Variants in FTO observed in about 807,000 individuals in gnomAD.
FTO encodes the protein alpha-ketoglutarate-dependent dioxygenase FTO.
Under a neutral mutation model 63.9 loss-of-function variants are expected in FTO, and 47 were observed. The observed-to-expected ratio is 0.74, with a 90% CI of 0.58 to 0.94. FTO has a LOEUF of 0.94. FTO is among the 40% of genes least tolerant of loss of function. FTO has a pLI of 0.00. For missense variants in FTO, 562 were observed against 618.1 expected, an observed-to-expected ratio of 0.91 and a Z score of 0.96; for synonymous variants, 207 against 224.4, an observed-to-expected ratio of 0.92 and a Z score of 0.69.
At chr16:53,985,155 A>G (rs1477045655) in intron 8 of FTO, among the ~76,000 whole-genome samples, 1 of 152,212 alleles carries the variant, frequency 6.6e-6, no homozygotes, top group Non-Finnish European at 1.5e-5. Flanking sequence ...TTTATGACCC[A>G]TTTATAAAAT....
chr16:53,992,585 C>A (rs1358923285), intron 8 of FTO: 1 of 152,066 alleles, frequency 6.6e-6, no homozygotes, highest in Non-Finnish European at 1.5e-5. Flanking sequence ...TGTGTGATTG[C>A]GTCCTGCCTA....
chr16:53,883,320 A>G (rs1444723076), intron 6 of FTO, among the ~76,000 whole-genome samples: 4 of 152,162 alleles, frequency 2.6e-5, no homozygotes, highest in African/African-American at 7.2e-5. Flanking sequence ...GAATATCGTC[A>G]TCTAAGTCTG....
At chr16:53,884,744 G>A (rs75547642) in intron 6 of FTO, among the ~76,000 whole-genome samples, 3 of 152,220 alleles carry the variant, frequency 2.0e-5, no homozygotes, top group Non-Finnish European at 2.9e-5. Context: ...AATGACTGAA[G>A]TCCAGATATG....
chr16:53,841,611 T>C (rs1598800074), intron 3 of FTO, among the ~76,000 whole-genome samples: 1 of 152,208 alleles, frequency 6.6e-6, no homozygotes, highest in African/African-American at 2.4e-5. Context: ...TTAATGTGAA[T>C]GAATAGTTAC....
chr16:53,914,197 G>A (rs764933578), intron 7 of FTO, among the ~76,000 whole-genome samples: 1 of 151,390 alleles, frequency 6.6e-6, no homozygotes, highest in Non-Finnish European at 1.5e-5. Context: ...TAGCATTTCT[G>A]TTTCTTTTAA....
intron 8 of FTO, among the ~76,000 whole-genome samples, chr16:54,067,519 G>C (rs1347160919): frequency 2.6e-5 from 4 of 152,232 alleles, no homozygotes; most frequent in Non-Finnish European, 4.4e-5. Flanking sequence ...GCCACCAGCT[G>C]TCTGACAGTG....
chr16:53,817,965 G>T (rs764030833), intron 2 of FTO, among the ~76,000 whole-genome samples: 14 of 152,206 alleles, frequency 9.2e-5, no homozygotes, highest in Non-Finnish European at 1.6e-4. Flanking sequence ...TTTCATGACT[G>T]CATACTCATT....
At chr16:53,986,225 G>A (rs1439454515) in intron 8 of FTO, among the ~76,000 whole-genome samples, 1 of 152,166 alleles carries the variant, frequency 6.6e-6, no homozygotes, top group Non-Finnish European at 1.5e-5. Flanking sequence ...CCAAACGCCT[G>A]AAATTCACTG....
At chr16:54,015,345 CACAA>C (rs1211722268) in intron 8 of FTO, among the ~76,000 whole-genome samples, 27 of 152,344 alleles carry the variant, frequency 1.8e-4, no homozygotes, top group Admixed American at 6.5e-4. Flanking sequence ...GCGTCACCTA[CACAA>C]ACAGAGTTGT....
intron 8 of FTO, among the ~76,000 whole-genome samples, chr16:54,087,629 C>A (rs2086279899): frequency 6.6e-6 from 1 of 152,044 alleles, no homozygotes; most frequent in African/African-American, 2.4e-5. Context: ...ATAGCAAGAC[C>A]CCATCTCTAC....
chr16:53,980,447 G>A (rs1250315967), intron 8 of FTO, among the ~76,000 whole-genome samples: 3 of 152,300 alleles, frequency 2.0e-5, no homozygotes, highest in East Asian at 1.9e-4. Flanking sequence ...ACGTGGGGAG[G>A]GAAAAGGGCT....
At chr16:53,774,666 A>G (rs996022770) in intron 1 of FTO, among the ~76,000 whole-genome samples, 13 of 152,196 alleles carry the variant, frequency 8.5e-5, no homozygotes, top group African/African-American at 3.1e-4. Flanking sequence ...AAATAGGTTG[A>G]TATAAAGTCA....
intron 1 of FTO, among the ~76,000 whole-genome samples, chr16:53,771,936 G>T (rs979492962): frequency 3.3e-5 from 5 of 152,090 alleles, no homozygotes; most frequent in South Asian, 2.1e-4. Context: ...ATTAGTGATT[G>T]CCAGGAGCTG....
chr16:53,845,278 A>G (rs943972653), intron 4 of FTO, among the ~76,000 whole-genome samples: 4 of 152,204 alleles, frequency 2.6e-5, no homozygotes, highest in Non-Finnish European at 4.4e-5. Context: ...GGAGCCAGGA[A>G]GAACCAGGGC....
At chr16:54,087,829 G>A (rs1318905951) in intron 8 of FTO, among the ~76,000 whole-genome samples, 1 of 152,096 alleles carries the variant, frequency 6.6e-6, no homozygotes, top group East Asian at 1.9e-4. Flanking sequence ...AAAACAAGAT[G>A]CAAAGAAATT....
intron 7 of FTO, among the ~76,000 whole-genome samples, chr16:53,915,328 A>G (rs2081837036): frequency 6.6e-6 from 1 of 152,182 alleles, no homozygotes; most frequent in African/African-American, 2.4e-5. Flanking sequence ...GAAATCACAA[A>G]TGCTATGCAG....
chr16:53,787,541 A>T (rs1197972901), intron 1 of FTO, among the ~76,000 whole-genome samples: 5 of 151,714 alleles, frequency 3.3e-5, no homozygotes, highest in Non-Finnish European at 2.9e-5. Flanking sequence ...AGCAAAAATT[A>T]AAAAAAAATT....
intron 7 of FTO, among the ~76,000 whole-genome samples, chr16:53,915,208 T>G (rs1216033658): frequency 6.6e-6 from 1 of 152,218 alleles, no homozygotes; most frequent in Non-Finnish European, 1.5e-5. Context: ...AAATTTTCCC[T>G]TTCTGCTGTC....
chr16:53,951,217 C>T (rs2082792400), intron 8 of FTO, among the ~76,000 whole-genome samples: 1 of 152,078 alleles, frequency 6.6e-6, no homozygotes, highest in Non-Finnish European at 1.5e-5. Flanking sequence ...TCACAAGGAC[C>T]TCACCCCGTC....
Sources: gnomAD v4.1 joint callset for allele counts (sites outside exome capture counted in the v4.1 genomes callset) on GRCh38, gnomAD v4.1.1 for gene constraint, MANE v1.5 for transcripts, NCBI Gene and HGNC (gene_info 2026-07-23, HGNC 2026-07-21) for gene names.